The following GPC5 variants were observed in gnomAD, a reference collection of about 807,000 sequenced individuals.
GPC5 encodes the protein glypican 5.
In GPC5, 47 loss-of-function variants were observed where a neutral mutation model predicts 53.9. The observed-to-expected ratio is 0.87, with a 90% CI of 0.69 to 1.11. The LOEUF is 1.11. Ranked by LOEUF, GPC5 falls within the 50% of genes most tolerant of loss-of-function variation. The pLI is 0.00. For missense variants in GPC5, 748 were observed against 713.1 expected, an observed-to-expected ratio of 1.05 and a Z score of -0.56; for synonymous variants, 286 against 263.3, an observed-to-expected ratio of 1.09 and a Z score of -0.84.
intron 7 of GPC5, among the ~76,000 whole-genome samples, chr13:92,511,131 G>A (rs981446553): frequency 6.6e-6 from 1 of 152,052 alleles, no homozygotes; most frequent in Non-Finnish European, 1.5e-5. Flanking sequence ...GTTTAGCTTG[G>A]CTTTTAAAAT....
intron 6 of GPC5, among the ~76,000 whole-genome samples, chr13:91,925,636 A>G (rs2039759616): frequency 6.6e-6 from 1 of 152,234 alleles, no homozygotes; most frequent in African/African-American, 2.4e-5. Flanking sequence ...TTTTCACTTT[A>G]TTCAACAAAT....
chr13:92,320,970 T>C (rs1010996184), intron 7 of GPC5, among the ~76,000 whole-genome samples: 36 of 152,228 alleles, frequency 2.4e-4, no homozygotes, highest in Non-Finnish European at 7.4e-5. Context: ...ATTTGAAATT[T>C]AATATGAGTT....
At chr13:92,735,245 G>T (rs9561132) in intron 7 of GPC5, among the ~76,000 whole-genome samples, 37,089 of 151,704 alleles carry the variant, frequency 0.24, 4,682 homozygotes, top group East Asian at 0.43. Context: ...AATTATGTTA[G>T]TTAATAAGTT....
chr13:91,583,719 C>T (rs1431717873), intron 2 of GPC5, among the ~76,000 whole-genome samples: 1 of 152,086 alleles, frequency 6.6e-6, no homozygotes, highest in Non-Finnish European at 1.5e-5. Flanking sequence ...GGAGGACTTA[C>T]ACTTTCTGAT....
intron 7 of GPC5, among the ~76,000 whole-genome samples, chr13:92,344,226 G>A (rs2043390999): frequency 6.6e-6 from 1 of 152,108 alleles, no homozygotes; most frequent in South Asian, 2.1e-4. Context: ...ATGGCAGGAG[G>A]AAGGAGAAAT....
At chr13:92,213,257 C>T (rs1241731367) in intron 7 of GPC5, among the ~76,000 whole-genome samples, 1 of 152,124 alleles carries the variant, frequency 6.6e-6, no homozygotes, top group East Asian at 1.9e-4. Flanking sequence ...TCCTTTGTAT[C>T]AAACATATAT....
At chr13:92,828,449 CT>C (rs1269355791) in intron 7 of GPC5, among the ~76,000 whole-genome samples, 8 of 152,134 alleles carry the variant, frequency 5.3e-5, no homozygotes, top group Admixed American at 5.2e-4. Flanking sequence ...ATGTTTCACC[CT>C]ATGTTGACAC....
chr13:92,464,369 A>G (rs1353024255), intron 7 of GPC5, among the ~76,000 whole-genome samples: 1 of 152,178 alleles, frequency 6.6e-6, no homozygotes, highest in Non-Finnish European at 1.5e-5. Flanking sequence ...ACCAAAAATT[A>G]TAGATAGGTT....
intron 2 of GPC5, among the ~76,000 whole-genome samples, chr13:91,484,304 A>T (rs1883471402): frequency 6.6e-6 from 1 of 152,212 alleles, no homozygotes. Flanking sequence ...TTTCCAAAAA[A>T]TGACTAAAAA....
chr13:91,608,959 C>G (rs984332177), intron 2 of GPC5, among the ~76,000 whole-genome samples: 2 of 146,784 alleles, frequency 1.4e-5, no homozygotes, highest in Non-Finnish European at 3.0e-5. Context: ...TTGAATCAGA[C>G]TATTAATAAA....
At chr13:92,642,009 A>C (rs1170161816) in intron 7 of GPC5, among the ~76,000 whole-genome samples, 1 of 152,178 alleles carries the variant, frequency 6.6e-6, no homozygotes, top group Non-Finnish European at 1.5e-5. Context: ...TCTTCAAAGC[A>C]TGTTTAACCT....
At position 91,693,650 on chromosome 13, in the gene GPC5, C is replaced by T; in HGVS notation, c.789C>T (p.Gly263=). 1 of 1,614,100 alleles carries T rather than the reference C, an allele frequency of 6.2e-7. No homozygotes were observed. The highest frequency in any genetic ancestry group is 8.5e-7 in the Non-Finnish European group (1 of 1,179,980). ...LKMQYCPHCQ[G]LALTKPCMGY... ...TGCAATACTGCCCGCACTGCCAAGG[C>T]CTGGCGCTCACTAAGCCTTGTATGG... Residue 263 remains glycine, a synonymous_variant, in exon 3 of 8, where the codon GGC becomes GGT. Coordinates refer to ENST00000377067, the MANE Select transcript of GPC5 (RefSeq NM_004466.6).
chr13:92,022,235 A>T (rs1360856256), intron 6 of GPC5, among the ~76,000 whole-genome samples: 2 of 152,006 alleles, frequency 1.3e-5, no homozygotes, highest in African/African-American at 4.8e-5. Flanking sequence ...TCCTGACCTC[A>T]AGTGATACAC....
chr13:92,589,284 GAGA>G (rs1334665859), intron 7 of GPC5, among the ~76,000 whole-genome samples: 1 of 152,174 alleles, frequency 6.6e-6, no homozygotes, highest in Non-Finnish European at 1.5e-5. Flanking sequence ...TCTTTCAAAT[GAGA>G]AGATTGAGTT....
chr13:92,750,967 G>A (rs1566400236), intron 7 of GPC5, among the ~76,000 whole-genome samples: 2 of 152,066 alleles, frequency 1.3e-5, no homozygotes, highest in Admixed American at 6.5e-5. Context: ...TTGTTATCAC[G>A]TACATTGTTC....
At chr13:91,770,830 GA>G (rs2037611729) in intron 5 of GPC5, among the ~76,000 whole-genome samples, 1 of 151,738 alleles carries the variant, frequency 6.6e-6, no homozygotes, top group African/African-American at 2.4e-5. Context: ...AAGTTTGAGG[GA>G]AAACAAACAT....
At chr13:91,788,413 G>C (rs2037911503) in intron 5 of GPC5, among the ~76,000 whole-genome samples, 1 of 152,040 alleles carries the variant, frequency 6.6e-6, no homozygotes, top group Non-Finnish European at 1.5e-5. Context: ...ATGAATATTG[G>C]GGAGACATAA....
chr13:92,257,273 C>T (rs922242884), intron 7 of GPC5, among the ~76,000 whole-genome samples: 1 of 151,738 alleles, frequency 6.6e-6, no homozygotes, highest in Non-Finnish European at 1.5e-5. Flanking sequence ...TTCTTCTAAT[C>T]AAACAAAGCA....
chr13:91,965,242 AG>A (rs1425657088), intron 6 of GPC5, among the ~76,000 whole-genome samples: 1 of 152,154 alleles, frequency 6.6e-6, no homozygotes, highest in African/African-American at 2.4e-5. Flanking sequence ...AATATAAAAA[AG>A]CACCTAGAAT....
Sources: allele counts gnomAD v4.1 joint callset (sites outside exome capture counted in the v4.1 genomes callset), GRCh38; gene constraint gnomAD v4.1.1; transcripts MANE v1.5; gene names NCBI Gene and HGNC (gene_info 2026-07-23, HGNC 2026-07-21).